Variants in ZBTB20 observed in about 807,000 individuals in gnomAD.
The protein encoded by ZBTB20 is zinc finger and BTB domain-containing protein 20.
ZBTB20 carries 9 observed loss-of-function variants against 56.9 expected under a neutral mutation model. That is an observed-to-expected ratio of 0.16 (90% CI 0.10 to 0.28). ZBTB20 has a LOEUF of 0.28. Among genes scored for constraint, ZBTB20 ranks in the 10% least tolerant of loss-of-function variants. The pLI, the probability that ZBTB20 is intolerant of heterozygous loss-of-function variation, is 1.00. For synonymous variants in ZBTB20, 417 were observed against 420.7 expected, an observed-to-expected ratio of 0.99 and a Z score of 0.11; for missense variants, 655 against 1,003.0, an observed-to-expected ratio of 0.65 and a Z score of 4.69.
In ZBTB20 at chr3:114,343,851, C is replaced by T. The variant is rs141409762; in HGVS notation, c.1805-4425G>A. On this transcript the variant is annotated intron_variant, in intron 11 of 11. Coordinates refer to ENST00000675478, the MANE Select transcript of ZBTB20 (RefSeq NM_001348800.3). ...TCACCTGAGGTCAGGAGGCCGAGAC[C>T]GGCCTGACCAACATGGTGAAACCAC... 4.1e-4 allele frequency among the ~76,000 whole-genome samples: 62 copies of T among 152,134 alleles called. 1 individual carries two copies. Among genetic ancestry groups the T allele is most frequent in the East Asian group, 1.9e-3 (10 of 5,164 alleles).
chr3:114,917,617 C>T (rs1036076165), intron 3 of ZBTB20, among the ~76,000 whole-genome samples: 1 of 152,186 alleles, frequency 6.6e-6, no homozygotes, highest in African/African-American at 2.4e-5. Context: ...GAGGCTCTTA[C>T]AGACTCATAG....
intron 6 of ZBTB20, among the ~76,000 whole-genome samples, chr3:114,563,321 C>T (rs905860756): frequency 1.3e-5 from 2 of 152,130 alleles, no homozygotes; most frequent in South Asian, 4.1e-4. Flanking sequence ...TGAACCGAAT[C>T]CCATTTTTAA....
At chr3:114,925,755 C>T (rs914708479) in intron 3 of ZBTB20, among the ~76,000 whole-genome samples, 3 of 151,872 alleles carry the variant, frequency 2.0e-5, no homozygotes, top group South Asian at 2.1e-4. Context: ...CTCAATCTCC[C>T]GACCTCGTGA....
chr3:114,964,373 C>T (rs1399791261), intron 3 of ZBTB20, among the ~76,000 whole-genome samples: 1 of 152,126 alleles, frequency 6.6e-6, no homozygotes, highest in Non-Finnish European at 1.5e-5. Context: ...CAAGATTGGG[C>T]CACTGCACTC....
intron 3 of ZBTB20, among the ~76,000 whole-genome samples, chr3:114,916,915 G>A (rs2075766810): frequency 6.6e-6 from 1 of 152,078 alleles, no homozygotes; most frequent in African/African-American, 2.4e-5. Context: ...TCTTGTGCTT[G>A]AATAATTATA....
chr3:114,532,582 C>T (rs2047978342), intron 6 of ZBTB20, among the ~76,000 whole-genome samples: 1 of 152,182 alleles, frequency 6.6e-6, no homozygotes. Context: ...TTAAACGTTC[C>T]CACCTGCCAG....
intron 7 of ZBTB20, among the ~76,000 whole-genome samples, chr3:114,420,358 G>T (rs978963955): frequency 1.3e-5 from 2 of 152,132 alleles, no homozygotes; most frequent in South Asian, 2.1e-4. Context: ...GAAACACAAA[G>T]AAATCAGTGT....
intron 7 of ZBTB20, among the ~76,000 whole-genome samples, chr3:114,481,118 A>G (rs1037177428): frequency 6.6e-6 from 1 of 152,124 alleles, no homozygotes; most frequent in Admixed American, 6.6e-5. Context: ...TTTGGCCAAT[A>G]TAGAGATAAT....
intron 6 of ZBTB20, among the ~76,000 whole-genome samples, chr3:114,503,745 C>T (rs1011658355): frequency 1.1e-4 from 16 of 151,908 alleles, no homozygotes; most frequent in East Asian, 1.9e-4. Flanking sequence ...AGGGGGATGA[C>T]GAGGGGTGAA....
chr3:114,447,541 G>A (rs2091342713), intron 7 of ZBTB20, among the ~76,000 whole-genome samples: 1 of 151,944 alleles, frequency 6.6e-6, no homozygotes, highest in African/African-American at 2.4e-5. Context: ...CCCCACCCTA[G>A]TGCTCCCCTG....
chr3:114,570,613 T>C (rs1486893140), intron 6 of ZBTB20, among the ~76,000 whole-genome samples: 1 of 152,134 alleles, frequency 6.6e-6, no homozygotes, highest in Non-Finnish European at 1.5e-5. Context: ...TATGGCTCCA[T>C]AACCATTTCT....
intron 4 of ZBTB20, among the ~76,000 whole-genome samples, chr3:114,863,542 G>A (rs1441545560): frequency 6.6e-6 from 1 of 152,062 alleles, no homozygotes. Context: ...TGGGCTAATT[G>A]GAAATCACTG....
chr3:115,081,032 T>C (rs1479846035), intron 1 of ZBTB20, among the ~76,000 whole-genome samples: 3 of 152,178 alleles, frequency 2.0e-5, no homozygotes. Context: ...TAGGATATCA[T>C]GCAAGTACTA....
intron 6 of ZBTB20, among the ~76,000 whole-genome samples, chr3:114,637,826 C>G (rs2059356993): frequency 6.6e-6 from 1 of 151,996 alleles, no homozygotes; most frequent in Non-Finnish European, 1.5e-5. Flanking sequence ...ATTAGAGTAT[C>G]CTATCATTAT....
intron 5 of ZBTB20, among the ~76,000 whole-genome samples, chr3:114,768,115 G>A (rs1319766415): frequency 6.6e-6 from 1 of 151,966 alleles, no homozygotes; most frequent in Non-Finnish European, 1.5e-5. Context: ...ATAATAAATG[G>A]TTGGGGATAG....
At chr3:114,844,373 T>TA (rs1467342908) in intron 4 of ZBTB20, among the ~76,000 whole-genome samples, 5 of 88,284 alleles carry the variant, frequency 5.7e-5, no homozygotes, top group African/African-American at 7.3e-5. Context: ...ATATATATAT[T>TA]AGCTGAGAGT....
chr3:114,438,018 T>C lies in ZBTB20; in HGVS notation c.-254-48913A>G, dbSNP rs541305407. ...TGTTTGTACAAAACTCAGCAAGAAG[T>C]AGTCTCCTTAGATGCTACATGTAGA... On this transcript the variant is annotated intron_variant, in intron 7 of 11. Coordinates refer to ENST00000675478, the MANE Select transcript of ZBTB20 (RefSeq NM_001348800.3). Among the ~76,000 whole-genome samples the C allele has an allele frequency of 2.0e-5, 3 of 152,280 alleles. No homozygotes were observed. The South Asian group carries it at 6.2e-4, about 32-fold the overall frequency.
chr3:115,099,825 A>G (rs1429228684), intron 1 of ZBTB20, among the ~76,000 whole-genome samples: 1 of 152,218 alleles, frequency 6.6e-6, no homozygotes, highest in Non-Finnish European at 1.5e-5. Context: ...TTGCATAAAC[A>G]GACAAGAAAA....
At chr3:114,764,398 G>A (rs1276805672) in intron 5 of ZBTB20, among the ~76,000 whole-genome samples, 1 of 152,078 alleles carries the variant, frequency 6.6e-6, no homozygotes, top group Non-Finnish European at 1.5e-5. Flanking sequence ...GAACCACAGT[G>A]GGTGCTCATC....
Sources: allele counts gnomAD v4.1 joint callset (sites outside exome capture counted in the v4.1 genomes callset), GRCh38; gene constraint gnomAD v4.1.1; transcripts MANE v1.5; gene names NCBI Gene and HGNC (gene_info 2026-07-23, HGNC 2026-07-21).